Variants in SACS observed in about 807,000 individuals in gnomAD.
SACS encodes the protein sacsin.
Under a neutral mutation model 348.0 loss-of-function variants are expected in SACS, and 197 were observed. The observed-to-expected ratio is 0.57, with a 90% CI of 0.50 to 0.64. The LOEUF (loss-of-function observed/expected upper bound fraction) is 0.64, where lower values mean the gene tolerates loss of function less well. Among genes scored for constraint, SACS ranks in the 30% least tolerant of loss-of-function variants. The pLI is 0.00. For missense variants in SACS, 4,999 were observed against 5,360.8 expected, an observed-to-expected ratio of 0.93 and a Z score of 2.11; for synonymous variants, 1,985 against 1,910.6, an observed-to-expected ratio of 1.04 and a Z score of -1.02.
In SACS at chr13:23,340,482, A is replaced by C; in HGVS notation, c.3394T>G (p.Leu1132Val). The C allele has an allele frequency of 6.2e-7, 1 of 1,612,816 alleles. No individual in the cohort carries two copies. Among genetic ancestry groups the C allele is most frequent in the Non-Finnish European group, 8.5e-7 (1 of 1,179,556 alleles). Residue 1132 changes from leucine to valine, a missense_variant, in exon 10 of 10, where the codon TTA becomes GTA. By Grantham distance (32) the Leu-to-Val change is conservative. Transcript: ENST00000382292. Reference protein sequence around the residue: ...DVLLKKAKTLLLVLNKNHTLL... With the variant: ...DVLLKKAKTLVLVLNKNHTLL... Reference sequence around the variant, plus strand: ...GTGTGATTCTTATTTAAAACCAGTAAGAGGGTTTTGGCTTTCTTCAGAAGA... The same window carrying C: ...GTGTGATTCTTATTTAAAACCAGTACGAGGGTTTTGGCTTTCTTCAGAAGA...
chr13:23,394,810 G>C (rs556096269), intron 2 of SACS, among the ~76,000 whole-genome samples: 1 of 152,152 alleles, frequency 6.6e-6, no homozygotes, highest in African/African-American at 2.4e-5. Flanking sequence ...AATCGAGATC[G>C]CGCACCTGCA....
intron 9 of SACS, among the ~76,000 whole-genome samples, chr13:23,342,288 C>G (rs1869318234): frequency 6.6e-6 from 1 of 152,002 alleles, no homozygotes; most frequent in Non-Finnish European, 1.5e-5. Context: ...TTTAAAGTAT[C>G]CTATAATGTT....
intron 2 of SACS, among the ~76,000 whole-genome samples, chr13:23,397,148 C>G (rs9550966): frequency 0.29 from 44,502 of 151,720 alleles, 6,749 homozygotes; most frequent in East Asian, 0.44. Context: ...CTAGTTCTCT[C>G]TGTTAAAAAA....
rs1416592914 is a variant in SACS at position 23,338,444 on chromosome 13, T to C, written c.5432A>G (p.Lys1811Arg). ...SKKPSDELSQ[K>R]TVECTTWLLC... ...AAGCCACGTGGTACACTCTACTGTT[T>C]TCTGTGACAACTCATCTGATGGCTT... The change falls in exon 10 of 10, where the codon AAA becomes AGA. Residue 1811 changes from lysine (K) to arginine (R), a missense_variant. By Grantham distance (26) the Lys-to-Arg change is conservative (BLOSUM62 2). This residue lies in a region of SACS where 3,156 missense variants were observed against 3,380.1 expected (regional missense o/e 0.93). Transcript: ENST00000382292. 6.2e-7 allele frequency: 1 copy of C among 1,614,166 alleles called. No individual in the cohort carries two copies. Among genetic ancestry groups the C allele is most frequent in the South Asian group, 1.1e-5 (1 of 91,080 alleles).
intron 1 of SACS, among the ~76,000 whole-genome samples, chr13:23,430,758 T>C (rs1874403494): frequency 6.6e-6 from 1 of 152,242 alleles, no homozygotes; most frequent in South Asian, 2.1e-4. Context: ...GAGCCCTTAT[T>C]TTCTGCCCCA....
chr13:23,356,682 T>C (rs1450345954), intron 7 of SACS, among the ~76,000 whole-genome samples: 1 of 152,152 alleles, frequency 6.6e-6, no homozygotes, highest in African/African-American at 2.4e-5. Flanking sequence ...AAACCAGATG[T>C]GTGAGACCCA....
chr13:23,338,768 G>T lies in SACS; in HGVS notation c.5108C>A (p.Thr1703Asn). The T allele has an allele frequency of 6.2e-7, 1 of 1,610,770 alleles. No homozygotes were observed. Among genetic ancestry groups the T allele is most frequent in the Non-Finnish European group, 8.5e-7 (1 of 1,179,144 alleles). ...MYLKYLKIEETNPSLAQDTVI... is the reference protein window; with the variant it reads ...MYLKYLKIEENNPSLAQDTVI... ...TGTATCTTGTGCTAAACTGGGGTTG[G>T]TTTCCTCAATTTTCAAGTACTTCAA... Residue 1703 changes from threonine (T) to asparagine (N), a missense_variant, in exon 10 of 10, where the codon ACC (threonine) becomes AAC (asparagine). Around this residue, in one of 6 missense-constraint regions of SACS, gnomAD observed 3,156 missense variants for 3,380.1 expected, o/e 0.93. Transcript: ENST00000382292.
chr13:23,393,176 C>T (rs772487065), intron 2 of SACS, among the ~76,000 whole-genome samples: 44 of 152,128 alleles, frequency 2.9e-4, no homozygotes, highest in African/African-American at 8.5e-4. Flanking sequence ...CCATGTGAGA[C>T]GTCACCTCTC....
intron 1 of SACS, among the ~76,000 whole-genome samples, chr13:23,421,902 T>A (rs1873962679): frequency 6.6e-6 from 1 of 151,894 alleles, no homozygotes; most frequent in Non-Finnish European, 1.5e-5. Context: ...GAAGTTTAAG[T>A]GGGGCCTGGT....
At chr13:23,394,111 C>T (rs1033669673) in intron 2 of SACS, among the ~76,000 whole-genome samples, 8 of 152,166 alleles carry the variant, frequency 5.3e-5, no homozygotes, top group Non-Finnish European at 1.0e-4. Context: ...GCCAAGCGAA[C>T]CAACCACGTG....
chr13:23,397,745 T>C (rs2137916894), intron 2 of SACS, among the ~76,000 whole-genome samples: 1 of 152,320 alleles, frequency 6.6e-6, no homozygotes, highest in African/African-American at 2.4e-5. Context: ...AGAGTCAAAC[T>C]CTGTAAAATA....
intron 6 of SACS, 45 bp downstream of exon 6, chr13:23,365,121 T>C: frequency 8.2e-7 from 1 of 1,224,044 alleles, no homozygotes; most frequent in African/African-American, 1.5e-5. Context: ...AAAAACTGCC[T>C]GTTAGTGCAT....
intron 1 of SACS, among the ~76,000 whole-genome samples, chr13:23,418,058 C>T (rs1383675360): frequency 1.0e-5 from 1 of 99,100 alleles, no homozygotes; most frequent in Non-Finnish European, 2.1e-5. Context: ...AAGATTCTGT[C>T]TCAAAAAAAA....
At chr13:23,366,722 G>C (rs1199715073) in intron 5 of SACS, among the ~76,000 whole-genome samples, 1 of 152,150 alleles carries the variant, frequency 6.6e-6, no homozygotes, top group Non-Finnish European at 1.5e-5. Context: ...TTCTCAAGTT[G>C]AATAAAAAAT....
Position 23,338,475 on chromosome 13 carries a change from A to C in SACS, c.5401T>G (p.Ser1801Ala). 1.9e-6 allele frequency: 3 copies of C among 1,614,116 alleles called. No homozygotes were observed. The highest frequency in any genetic ancestry group is 2.5e-6 in the Non-Finnish European group (3 of 1,179,982). ...ALFEMAKSGQ[S>A]KKPSDELSQK... is the part of the protein sequence containing the mutation. Reference sequence around the variant, plus strand: ...GACAACTCATCTGATGGCTTTTTTGATTGGCCAGACTTAGCCATTTCAAAG... The same window carrying C: ...GACAACTCATCTGATGGCTTTTTTGCTTGGCCAGACTTAGCCATTTCAAAG... The change falls in exon 10 of 10, where the codon TCA becomes GCA. Residue 1801 changes from serine (S) to alanine (A), a missense_variant. Physicochemically the swap from Ser to Ala is moderately conservative, Grantham distance 99 (BLOSUM62 1). Coordinates refer to ENST00000382292, the MANE Select transcript of SACS (RefSeq NM_014363.6).
intron 1 of SACS, among the ~76,000 whole-genome samples, chr13:23,416,020 C>T (rs1873676238): frequency 6.6e-6 from 1 of 152,196 alleles, no homozygotes; most frequent in Admixed American, 6.5e-5. Flanking sequence ...TGGCTCACGT[C>T]TGTAATCCTA....
intron 2 of SACS, among the ~76,000 whole-genome samples, chr13:23,391,752 C>T (rs1399454590): frequency 1.3e-5 from 2 of 152,134 alleles, no homozygotes; most frequent in Non-Finnish European, 2.9e-5. Context: ...CGGTAGAATA[C>T]TCCACACAGT....
chr13:23,369,607 C>A (rs570391214), intron 4 of SACS, among the ~76,000 whole-genome samples: 1 of 151,764 alleles, frequency 6.6e-6, no homozygotes, highest in East Asian at 1.9e-4. Context: ...TGCAGTGGCG[C>A]AATCTCAGCT....
intron 2 of SACS, among the ~76,000 whole-genome samples, chr13:23,409,522 G>A (rs539977431): frequency 4.7e-5 from 7 of 150,510 alleles, no homozygotes; most frequent in South Asian, 2.1e-4. Context: ...CTAATTTTGC[G>A]TTTTTAGTAA....
Sources: gnomAD v4.1 joint callset for allele counts (sites outside exome capture counted in the v4.1 genomes callset) on GRCh38, gnomAD v4.1.1 for gene constraint, gnomAD v4.1.1 regional missense constraint, MANE v1.5 for transcripts, NCBI Gene and HGNC (gene_info 2026-07-23, HGNC 2026-07-21) for gene names.